The following CARD10 variants were observed in gnomAD, a reference collection of about 807,000 sequenced individuals.
CARD10 encodes the protein caspase recruitment domain family member 10, also known as caspase recruitment domain-containing protein 10.
A neutral mutation model predicts 114.6 loss-of-function variants in CARD10; 49 were observed. The observed-to-expected ratio is 0.43, with a 90% CI of 0.34 to 0.54. The LOEUF (loss-of-function observed/expected upper bound fraction) is 0.54. CARD10 is among the 20% of genes least tolerant of loss of function. CARD10 has a pLI of 0.03. For missense variants in CARD10, 1,206 were observed against 1,397.2 expected (o/e 0.86, Z 2.18); for synonymous variants, 602 against 593.2 (o/e 1.01, Z -0.21).
At position 37,510,301 on chromosome 22, in the gene CARD10, GC is replaced by G. The variant is rs775896811; in HGVS notation, c.819del (p.Glu273AspfsTer18). The G allele has an allele frequency of 6.4e-5, 102 of 1,605,658 alleles. No individual in the cohort carries two copies. In the Middle Eastern group the frequency reaches 8.3e-4, roughly 13 times the overall value. The part of the protein sequence containing the change: ...EKEKEKEKEK[E>X]PDNVDLVSEL... ...TCAGAGACAAGGTCCACATTGTCTG[GC>G]TCCTTCTCCTTCTCCTTCTCCTTCT... On this transcript the variant is annotated frameshift_variant, in exon 4 of 20. Transcript: ENST00000251973. LOFTEE classifies it high-confidence loss of function.
intron 10 of CARD10, among the ~76,000 whole-genome samples, 160 bp from the exon 11 acceptor site, chr22:37,502,885 C>T (rs1356295934): frequency 1.3e-5 from 2 of 152,228 alleles, no homozygotes; most frequent in African/African-American, 4.8e-5. Context: ...GGTCAGGGCC[C>T]ACCAGGCTGA....
rs372113093 is a variant in CARD10 at position 37,495,982 on chromosome 22, G to A, written c.2081C>T (p.Ala694Val). 2 of 1,613,966 alleles carry A rather than the reference G, an allele frequency of 1.2e-6. No individual in the cohort carries two copies. Among genetic ancestry groups the A allele is most frequent in the Admixed American group, 3.3e-5 (2 of 60,030 alleles). ...DSKACQSFHE[A>V]LEAWAKGPGA... The stretch of plus-strand genomic sequence containing the variant: ...TGGTCCCTTTGCCCAGGCTTCTAGG[G>A]CCTCGTGGAAGGACTGGCAGGCTGG... Residue 694 changes from alanine to valine, a missense_variant, in exon 14 of 20, where the codon GCC becomes GTC. Around this residue, in one of 2 missense-constraint regions of CARD10, gnomAD observed 1,068 missense variants for 1,179.1 expected, o/e 0.91. Transcript: ENST00000251973.
intron 11 of CARD10, among the ~76,000 whole-genome samples, chr22:37,500,295 G>A (rs1398635420): frequency 6.6e-6 from 1 of 152,230 alleles, no homozygotes; most frequent in Non-Finnish European, 1.5e-5. Flanking sequence ...AAGGACAGAA[G>A]GTGCCAGAGA....
At chr22:37,512,418 A>C (rs1162881864) in intron 3 of CARD10, among the ~76,000 whole-genome samples, 1 of 147,180 alleles carries the variant, frequency 6.8e-6, no homozygotes, top group Admixed American at 6.9e-5. Context: ...TTGGAAAGTG[A>C]CTTGCTAGTT....
At position 37,492,631 on chromosome 22, in the gene CARD10, C is replaced by T; in HGVS notation, c.2635+13G>A. On this transcript the variant is annotated intron_variant, in intron 17 of 19. Transcript: ENST00000251973. The surrounding 1 kb of genome is among the most constrained non-coding windows in gnomAD (Gnocchi z 5.7). ...GGGGCACCCAGCCTCCCCTCCCCGGCACATAGTCTCACCCGCTGGGCACAC... is the reference window on the plus strand; with the variant it reads ...GGGGCACCCAGCCTCCCCTCCCCGGTACATAGTCTCACCCGCTGGGCACAC... The T allele has an allele frequency of 6.2e-7, 1 of 1,611,942 alleles. No homozygotes were observed. The highest frequency in any genetic ancestry group is 8.5e-7 in the Non-Finnish European group (1 of 1,179,308).
At chr22:37,503,775 G>A (rs1923304037) in intron 9 of CARD10, among the ~76,000 whole-genome samples, 1 of 152,194 alleles carries the variant, frequency 6.6e-6, no homozygotes, top group Non-Finnish European at 1.5e-5. Context: ...GCCACCAGAG[G>A]GTGCGCCTTG....
chr22:37,491,731 C>A, intron 19 of CARD10, 24 bp downstream of exon 19: 1 of 1,256,856 alleles, frequency 8.0e-7, no homozygotes. Context: ...GTGCCCTGCC[C>A]ACTGCCCCAC....
Position 37,508,663 on chromosome 22 carries a change from GC to G in CARD10, c.928del (p.Ala310ProfsTer12). On this transcript the variant is annotated frameshift_variant, in exon 5 of 20. Transcript: ENST00000251973. LOFTEE classifies it high-confidence loss of function. ...CAGCAGGATGCGCTCGGAGCCCGGGGCCCCCGGCCGGCTCGCCTCCTGGGGA... is the reference window on the plus strand; with the variant it reads ...CAGCAGGATGCGCTCGGAGCCCGGGGCCCCGGCCGGCTCGCCTCCTGGGGA... ...GLQQEASRPG[A>X]PGSERILLDI... The G allele has an allele frequency of 3.2e-6, 5 of 1,570,528 alleles. No individual in the cohort carries two copies. The highest frequency in any genetic ancestry group is 3.4e-6 in the Non-Finnish European group (4 of 1,162,214).
Position 37,496,639 on chromosome 22 carries a change from G to T in CARD10, c.1948-79C>A. 5 of 1,000,870 alleles carry T rather than the reference G, an allele frequency of 5.0e-6. No individual in the cohort carries two copies. The highest frequency in any genetic ancestry group is 7.7e-6 in the Non-Finnish European group (5 of 652,876). 62.0% of individuals were successfully genotyped at this position (1,000,870 alleles called of 1,614,324 possible). On this transcript the variant is annotated intron_variant, in intron 12 of 19. Coordinates refer to ENST00000251973, the MANE Select transcript of CARD10 (RefSeq NM_014550.4). This position sits in a 1 kb window ranked among gnomAD's most constrained non-coding sequence, Gnocchi z 4.1. Reference sequence around the variant, plus strand: ...AGCCCAGGGGCTGGAGGAAGACCAGGTGTGGGGGTGTTTCATGCCTCACAG... The same window carrying T: ...AGCCCAGGGGCTGGAGGAAGACCAGTTGTGGGGGTGTTTCATGCCTCACAG...
chr22:37,491,723 G>A, intron 19 of CARD10, 32 bp downstream of exon 19: 3 of 1,314,048 alleles, frequency 2.3e-6, no homozygotes, highest in East Asian at 4.8e-5. Flanking sequence ...AGGTCCGAGT[G>A]CCCTGCCCAC....
chr22:37,511,645 G>A (rs1035325289), intron 3 of CARD10, among the ~76,000 whole-genome samples: 1 of 152,072 alleles, frequency 6.6e-6, no homozygotes, highest in Non-Finnish European at 1.5e-5. Context: ...ATCTGTACGG[G>A]GGGGGTGTGA....
At chr22:37,505,275 T>TAAA (rs35364224) in intron 7 of CARD10, among the ~76,000 whole-genome samples, 40 of 142,234 alleles carry the variant, frequency 2.8e-4, no homozygotes, top group African/African-American at 9.3e-4. Flanking sequence ...CACTGGGGGT[T>TAAA]AAAAAAAAAA....
At chr22:37,504,963 G>A (rs1480228459) in intron 7 of CARD10, among the ~76,000 whole-genome samples, 194 bp from the exon 8 acceptor site, 4 of 152,232 alleles carry the variant, frequency 2.6e-5, no homozygotes, top group Admixed American at 2.6e-4. Context: ...GACAATAGCA[G>A]AAGGAAGGTG....
chr22:37,518,337 C>G (rs766908967), intron 1 of CARD10, among the ~76,000 whole-genome samples: 2 of 152,200 alleles, frequency 1.3e-5, no homozygotes, highest in African/African-American at 4.8e-5. Context: ...CCCAACACCC[C>G]CCACAGACAC....
chr22:37,507,284 AACAATAATAT>A, intron 6 of CARD10, among the ~76,000 whole-genome samples: 1 of 152,322 alleles, frequency 6.6e-6, no homozygotes, highest in South Asian at 2.1e-4. Context: ...AAGTAATAAC[AACAATAATAT>A]ACAGACTTCA....
intron 11 of CARD10, 58 bp downstream of exon 11, chr22:37,502,544 T>C: frequency 2.5e-6 from 4 of 1,576,674 alleles, no homozygotes; most frequent in Non-Finnish European, 3.4e-6. Flanking sequence ...CCCACCTCAC[T>C]CCTGTTCCCC....
Position 37,510,294 on chromosome 22 carries a change from T to C in CARD10, c.827A>G (p.Asn276Ser). The change falls in exon 4 of 20, where the codon AAT becomes AGT. Residue 276 changes from asparagine (N) to serine (S), a missense_variant. This residue lies in a region of CARD10 where 1,068 missense variants were observed against 1,179.1 expected (regional missense o/e 0.91). Transcript: ENST00000251973. Reference sequence around the variant, plus strand: ...ACGCAGCTCAGAGACAAGGTCCACATTGTCTGGCTCCTTCTCCTTCTCCTT... The same window carrying C: ...ACGCAGCTCAGAGACAAGGTCCACACTGTCTGGCTCCTTCTCCTTCTCCTT... ...KEKEKEKEPD[N>S]VDLVSELRAE... 1 of 1,601,134 alleles carries C rather than the reference T, an allele frequency of 6.2e-7. No homozygotes were observed. The highest frequency in any genetic ancestry group is 8.5e-7 in the Non-Finnish European group (1 of 1,177,458).
chr22:37,503,505 CT>C lies in CARD10; in HGVS notation c.1635-293del, dbSNP rs752510977. 4.9e-4 allele frequency among the ~76,000 whole-genome samples: 75 copies of C among 152,252 alleles called. 1 individual carries two copies. The highest frequency in any genetic ancestry group is 6.6e-4 in the Non-Finnish European group (45 of 68,010). ...TGCCACCTCCTCCTGGAAGCCACCC[CT>C]GATCTCTCACCCCTCACCTCACCCT... On this transcript the variant is annotated intron_variant, in intron 9 of 19. Coordinates refer to ENST00000251973, the MANE Select transcript of CARD10 (RefSeq NM_014550.4).
chr22:37,490,981 G>A lies in CARD10; in HGVS notation c.*178C>T, dbSNP rs911397634. ...TAGAGGGGAGTGGGCACTCTGTCCC[G>A]GGACTCCCATAGGCTCGGCAGGGCC... On this transcript the variant is annotated 3_prime_UTR_variant, in exon 20 of 20. Coordinates refer to ENST00000251973, the MANE Select transcript of CARD10 (RefSeq NM_014550.4). 11 of 595,880 alleles carry A rather than the reference G, an allele frequency of 1.8e-5. No individual in the cohort carries two copies. The highest frequency in any genetic ancestry group is 3.7e-5 in the African/African-American group (2 of 53,674). 36.9% of individuals were successfully genotyped at this position (595,880 alleles called of 1,614,324 possible).
Sources: gnomAD v4.1 joint callset for allele counts (sites outside exome capture counted in the v4.1 genomes callset) on GRCh38, gnomAD v4.1.1 for gene constraint, gnomAD v4.1.1 regional missense constraint, Gnocchi (gnomAD v3.1) non-coding constraint, MANE v1.5 for transcripts, NCBI Gene and HGNC (gene_info 2026-07-23, HGNC 2026-07-21) for gene names.